Variants in TAS2R1 observed in about 807,000 individuals in gnomAD.
The protein encoded by TAS2R1 is taste receptor type 2 member 1.
For synonymous variants in TAS2R1, 141 were observed against 134.2 expected, an observed-to-expected ratio of 1.05 and a Z score of -0.35; for missense variants, 370 against 353.4, an observed-to-expected ratio of 1.05 and a Z score of -0.38.
upstream of TAS2R1, among the ~76,000 whole-genome samples, chr5:9,712,733 G>A (rs1195794837): frequency 3.3e-5 from 5 of 152,168 alleles, no homozygotes; most frequent in African/African-American, 7.2e-5. Context: ...TAGCACGTGC[G>A]CTGTCTCTCT....
the TAS2R1 span, among the ~76,000 whole-genome samples, chr5:9,897,266 T>C: frequency 6.6e-6 from 1 of 152,108 alleles, no homozygotes; most frequent in African/African-American, 2.4e-5. Flanking sequence ...CTGGCCAATA[T>C]GGTGAAACCC....
At chr5:9,641,036 A>T (rs1311400700) in intron 2 of TAS2R1, among the ~76,000 whole-genome samples, 5 of 152,066 alleles carry the variant, frequency 3.3e-5, no homozygotes, top group Non-Finnish European at 5.9e-5. Context: ...GCATTTCAGT[A>T]TTGCAAGAAA....
intron 1 of TAS2R1, among the ~76,000 whole-genome samples, chr5:9,682,628 T>A: frequency 6.6e-6 from 1 of 152,068 alleles, no homozygotes. Flanking sequence ...ACACAAGAAC[T>A]ATGATCATGA....
At chr5:9,660,225 A>ATTTTTTT (rs35208333) in intron 1 of TAS2R1, among the ~76,000 whole-genome samples, 1,024 of 88,250 alleles carry the variant, frequency 0.012, no homozygotes, top group Middle Eastern at 0.017. Flanking sequence ...CTCCCGGCTA[A>ATTTTTTT]TTTTTTTTTT....
At chr5:9,826,213 T>C in the TAS2R1 span, among the ~76,000 whole-genome samples, 2 of 152,216 alleles carry the variant, frequency 1.3e-5, no homozygotes, top group African/African-American at 4.8e-5. Context: ...TGTATAATGA[T>C]GCTAATATCA....
At chr5:9,791,749 C>T in the TAS2R1 span, among the ~76,000 whole-genome samples, 2 of 152,120 alleles carry the variant, frequency 1.3e-5, no homozygotes, top group Non-Finnish European at 2.9e-5. Flanking sequence ...AGGCCCTGTC[C>T]TCCAAGATTC....
intron 2 of TAS2R1, among the ~76,000 whole-genome samples, chr5:9,655,746 A>C (rs534439414): frequency 6.9e-4 from 105 of 152,282 alleles, no homozygotes; most frequent in African/African-American, 2.4e-3. Context: ...CACACACTCA[A>C]TAAGTGTCTT....
chr5:9,812,924 T>A, the TAS2R1 span, among the ~76,000 whole-genome samples: 1 of 152,146 alleles, frequency 6.6e-6, no homozygotes, highest in East Asian at 1.9e-4. Context: ...GGTGTAGACA[T>A]GGATTAAGTT....
At chr5:9,720,855 A>G in the TAS2R1 span, among the ~76,000 whole-genome samples, 1 of 152,222 alleles carries the variant, frequency 6.6e-6, no homozygotes, top group Admixed American at 6.5e-5. Context: ...AGCATTTTCC[A>G]GGGAGCCCCA....
chr5:9,828,872 G>T, the TAS2R1 span, among the ~76,000 whole-genome samples: 1 of 152,264 alleles, frequency 6.6e-6, no homozygotes, highest in Non-Finnish European at 1.5e-5. Context: ...AAACATCACT[G>T]TCTAGTAACA....
chr5:9,891,816 A>G, the TAS2R1 span, among the ~76,000 whole-genome samples: 3 of 152,176 alleles, frequency 2.0e-5, no homozygotes, highest in Admixed American at 6.5e-5. Flanking sequence ...CTGTACCCCA[A>G]GCCACCAAAG....
the TAS2R1 span, among the ~76,000 whole-genome samples, chr5:9,827,197 A>T: frequency 6.6e-6 from 1 of 152,080 alleles, no homozygotes. Context: ...TAGAAATGGT[A>T]CCAACCTAGG....
the TAS2R1 span, among the ~76,000 whole-genome samples, chr5:9,752,407 G>A: frequency 1.3e-5 from 2 of 152,030 alleles, no homozygotes; most frequent in African/African-American, 4.8e-5. Context: ...TTCCACTCTG[G>A]CTTTCCTAAC....
At chr5:9,659,413 GGTTTC>G (rs1740482863) in intron 2 of TAS2R1, 1 of 152,032 alleles carries the variant, frequency 6.6e-6, no homozygotes, top group Non-Finnish European at 1.5e-5. Context: ...ATAGATCTCA[GGTTTC>G]ACCTTCCTCA....
chr5:9,787,623 A>C, the TAS2R1 span, among the ~76,000 whole-genome samples: 1 of 152,222 alleles, frequency 6.6e-6, no homozygotes, highest in Non-Finnish European at 1.5e-5. Flanking sequence ...GAAATATCAG[A>C]ACCTGGTAAT....
At chr5:9,676,304 T>C (rs188917161) in intron 1 of TAS2R1, among the ~76,000 whole-genome samples, 2 of 152,204 alleles carry the variant, frequency 1.3e-5, no homozygotes, top group Admixed American at 6.6e-5. Flanking sequence ...AGACAGAATA[T>C]CCAATACAAT....
chr5:9,687,071 T>A (rs1245431563), intron 1 of TAS2R1, among the ~76,000 whole-genome samples: 2 of 152,150 alleles, frequency 1.3e-5, no homozygotes, highest in Non-Finnish European at 2.9e-5. Flanking sequence ...TTCAAGCGAT[T>A]CTCCTGCCTC....
chr5:9,783,123 G>C, the TAS2R1 span, among the ~76,000 whole-genome samples: 1 of 152,000 alleles, frequency 6.6e-6, no homozygotes, highest in African/African-American at 2.4e-5. Context: ...TTACTCTATT[G>C]GCTTTTGAAT....
At chr5:9,805,866 T>C in the TAS2R1 span, among the ~76,000 whole-genome samples, 1 of 152,050 alleles carries the variant, frequency 6.6e-6, no homozygotes, top group East Asian at 1.9e-4. Flanking sequence ...TCACCACTTC[T>C]ATTCAACACA....
Sources: gnomAD v4.1 joint callset for allele counts (sites outside exome capture counted in the v4.1 genomes callset) on GRCh38, gnomAD v4.1.1 for gene constraint, MANE v1.5 for transcripts, NCBI Gene and HGNC (gene_info 2026-07-23, HGNC 2026-07-21) for gene names.